Variants in C16orf74 observed in about 807,000 individuals in gnomAD.
C16orf74 encodes the protein uncharacterized protein C16orf74.
C16orf74 carries 10 observed loss-of-function variants against 6.5 expected under a neutral mutation model. The ratio of observed to expected loss-of-function variants is 1.54; its 90% CI spans 0.95 to 2.61. The LOEUF (loss-of-function observed/expected upper bound fraction) is 2.61, where lower values mean the gene tolerates loss of function less well. Ranked by LOEUF, C16orf74 falls within the 30% of genes most tolerant of loss-of-function variation. The pLI is 0.00. For synonymous variants in C16orf74, 60 were observed against 42.5 expected, an observed-to-expected ratio of 1.41 and a Z score of -1.60; for missense variants, 141 against 105.9, an observed-to-expected ratio of 1.33 and a Z score of -1.45.
intron 2 of C16orf74, among the ~76,000 whole-genome samples, chr16:85,724,264 C>T (rs1382168012): frequency 6.6e-6 from 1 of 152,198 alleles, no homozygotes; most frequent in African/African-American, 2.4e-5. Context: ...CCCAGCACCT[C>T]CCCATCCCTC....
At chr16:85,750,492 A>G (rs993327158) in intron 1 of C16orf74, among the ~76,000 whole-genome samples, 1 of 152,110 alleles carries the variant, frequency 6.6e-6, no homozygotes, top group African/African-American at 2.4e-5. Context: ...TTCATAAATA[A>G]TAGATTTGGA....
chr16:85,733,606 A>T (rs2054213810), intron 2 of C16orf74, among the ~76,000 whole-genome samples: 1 of 152,218 alleles, frequency 6.6e-6, no homozygotes, highest in African/African-American at 2.4e-5. Flanking sequence ...ACTTTGTGAC[A>T]GGCACTGGGG....
chr16:85,709,942 G>T (rs1215802727), intron 3 of C16orf74, among the ~76,000 whole-genome samples: 1 of 152,276 alleles, frequency 6.6e-6, no homozygotes, highest in African/African-American at 2.4e-5. Flanking sequence ...TGCTGGCAGG[G>T]GCTGTCTACT....
chr16:85,744,574 A>T (rs145308770), intron 1 of C16orf74, among the ~76,000 whole-genome samples: 2,775 of 152,186 alleles, frequency 0.018, 44 homozygotes, highest in South Asian at 0.037. Flanking sequence ...CTCATGCCTG[A>T]AATCCCAGCA....
intron 1 of C16orf74, among the ~76,000 whole-genome samples, chr16:85,739,567 T>C (rs1461016445): frequency 1.3e-5 from 2 of 152,108 alleles, no homozygotes; most frequent in African/African-American, 4.8e-5. Flanking sequence ...TAGGAGAGCA[T>C]GACATACTGG....
intron 2 of C16orf74, among the ~76,000 whole-genome samples, chr16:85,714,533 C>A (rs1598782074): frequency 1.3e-5 from 2 of 151,928 alleles, no homozygotes; most frequent in African/African-American, 4.8e-5. Flanking sequence ...GATTCTTCTG[C>A]CTCAGCCTCC....
At position 85,707,620 on chromosome 16, in the gene C16orf74, A is replaced by G. The variant is rs1292904119; in HGVS notation, c.*388T>C. 4.8e-6 allele frequency: 1 copy of G among 209,896 alleles called. No homozygotes were observed. The highest frequency in any genetic ancestry group is 2.3e-5 in the African/African-American group (1 of 43,518). The allele number at this position is 209,896 out of a possible 1,614,324, so 13.0% of individuals were successfully genotyped here. On this transcript the variant is annotated 3_prime_UTR_variant, in exon 4 of 4. Coordinates refer to ENST00000284245, the MANE Select transcript of C16orf74 (RefSeq NM_206967.3). ...ACAACTTATAAAAAACAGCCACTCC[A>G]CCTGCAAGAAGTTCTTGTTGGTGCT...
intron 2 of C16orf74, among the ~76,000 whole-genome samples, chr16:85,730,536 G>T (rs2054177025): frequency 8.5e-6 from 1 of 117,226 alleles, no homozygotes; most frequent in Non-Finnish European, 1.7e-5. Flanking sequence ...GGAACCCCCA[G>T]ACCAGCCACT....
chr16:85,731,494 G>A (rs1418237735), intron 2 of C16orf74, among the ~76,000 whole-genome samples: 1 of 152,158 alleles, frequency 6.6e-6, no homozygotes, highest in Non-Finnish European at 1.5e-5. Flanking sequence ...AGGCTGCGGG[G>A]CTAGAGCAGA....
At chr16:85,734,571 G>A (rs1241487857) in intron 2 of C16orf74, among the ~76,000 whole-genome samples, 1 of 152,212 alleles carries the variant, frequency 6.6e-6, no homozygotes, top group Admixed American at 6.5e-5. Context: ...GGCCGCCCAC[G>A]TGACTCCCAG....
intron 2 of C16orf74, among the ~76,000 whole-genome samples, chr16:85,728,992 G>C (rs1008627238): frequency 1.3e-5 from 2 of 152,202 alleles, no homozygotes; most frequent in African/African-American, 4.8e-5. Context: ...TGGTCTGACT[G>C]GTTCCTAAGT....
chr16:85,737,088 A>G (rs1251725971), intron 1 of C16orf74, among the ~76,000 whole-genome samples: 1 of 152,120 alleles, frequency 6.6e-6, no homozygotes, highest in Non-Finnish European at 1.5e-5. Flanking sequence ...TAACAGTCTC[A>G]TTGAGCAGCA....
intron 1 of C16orf74, among the ~76,000 whole-genome samples, chr16:85,738,549 T>C (rs1159231014): frequency 6.6e-6 from 1 of 151,776 alleles, no homozygotes; most frequent in South Asian, 2.1e-4. Context: ...CAGGCTGGTC[T>C]CGAACTCCTG....
At chr16:85,715,816 T>C (rs564492905) in intron 2 of C16orf74, among the ~76,000 whole-genome samples, 9 of 152,230 alleles carry the variant, frequency 5.9e-5, no homozygotes, top group African/African-American at 2.2e-4. Flanking sequence ...CTGAGGCTTG[T>C]TCGTGCCAAA....
intron 2 of C16orf74, among the ~76,000 whole-genome samples, chr16:85,733,027 G>C (rs8051534): frequency 0.026 from 3,986 of 152,254 alleles, 169 homozygotes; most frequent in African/African-American, 0.091. Flanking sequence ...GCAGGGTCTT[G>C]GTCTACCTTC....
At chr16:85,725,165 T>G (rs386041) in intron 2 of C16orf74, among the ~76,000 whole-genome samples, 25,385 of 152,188 alleles carry the variant, frequency 0.17, 2,738 homozygotes, top group Middle Eastern at 0.32. Flanking sequence ...TGCTCCCTCG[T>G]TTAAAACAGG....
At chr16:85,738,219 T>C (rs1368441976) in intron 1 of C16orf74, among the ~76,000 whole-genome samples, 2 of 151,948 alleles carry the variant, frequency 1.3e-5, no homozygotes, top group South Asian at 4.1e-4. Flanking sequence ...CACGCCAGCC[T>C]GGGTGACAGC....
intron 3 of C16orf74, 135 bp from the exon 4 acceptor site, chr16:85,708,201 C>T (rs1467480671): frequency 1.5e-5 from 11 of 728,950 alleles, no homozygotes; most frequent in Admixed American, 1.2e-4. Context: ...AGATGGGACC[C>T]AGCCCAGTGA....
intron 2 of C16orf74, among the ~76,000 whole-genome samples, chr16:85,731,062 T>C (rs945165496): frequency 1.3e-5 from 2 of 152,250 alleles, no homozygotes; most frequent in Admixed American, 1.3e-4. Flanking sequence ...TACTGGATGG[T>C]GTGGCTCTAG....
Sources: gnomAD v4.1 joint callset for allele counts (sites outside exome capture counted in the v4.1 genomes callset) on GRCh38, gnomAD v4.1.1 for gene constraint, MANE v1.5 for transcripts, NCBI Gene and HGNC (gene_info 2026-07-23, HGNC 2026-07-21) for gene names.